Variants in SH3TC1 observed in about 807,000 individuals in gnomAD.
SH3TC1 encodes SH3 domain and tetratricopeptide repeat-containing protein 1.
Under a neutral mutation model 117.3 loss-of-function variants are expected in SH3TC1, and 135 were observed. The ratio of observed to expected loss-of-function variants is 1.15; its 90% CI spans 1.00 to 1.33. The LOEUF is 1.33. SH3TC1 is among the 40% of genes most tolerant of loss of function. The pLI is 0.00. For missense variants in SH3TC1, 2,092 were observed against 1,794.3 expected, an observed-to-expected ratio of 1.17 and a Z score of -3.00; for synonymous variants, 898 against 816.9, an observed-to-expected ratio of 1.10 and a Z score of -1.69.
chr4:8,218,832 C>G (rs545553339), intron 8 of SH3TC1, among the ~76,000 whole-genome samples: 1 of 152,252 alleles, frequency 6.6e-6, no homozygotes, highest in Non-Finnish European at 1.5e-5. Flanking sequence ...TGCCAGCAGC[C>G]CTTCTCCTTG....
chr4:8,187,698 C>T (rs999214344), intron 1 of SH3TC1, among the ~76,000 whole-genome samples: 3 of 151,856 alleles, frequency 2.0e-5, no homozygotes, highest in African/African-American at 7.3e-5. Flanking sequence ...ATTACAGGCA[C>T]GTGCCACCGC....
intron 1 of SH3TC1, among the ~76,000 whole-genome samples, chr4:8,202,016 T>C (rs1184463552): frequency 1.3e-5 from 2 of 152,166 alleles, no homozygotes; most frequent in Non-Finnish European, 2.9e-5. Context: ...AAAGACCCCT[T>C]AAACCAGGGA....
At chr4:8,239,990 C>T (rs1722192204) in intron 17 of SH3TC1, among the ~76,000 whole-genome samples, 2 of 152,192 alleles carry the variant, frequency 1.3e-5, no homozygotes, top group Admixed American at 6.5e-5. Flanking sequence ...TAGACTTTGT[C>T]CTTGGCCCTG....
chr4:8,226,682 C>T (rs1456363196), intron 11 of SH3TC1, among the ~76,000 whole-genome samples: 1 of 152,222 alleles, frequency 6.6e-6, no homozygotes, highest in Non-Finnish European at 1.5e-5. Flanking sequence ...CACATAGTCT[C>T]CTAAAACCAT....
At chr4:8,194,399 G>A (rs1294631219), upstream of SH3TC1, among the ~76,000 whole-genome samples, 1 of 149,142 alleles carries the variant, frequency 6.7e-6, no homozygotes. Flanking sequence ...GCCGCTTCTA[G>A]TGCTGGCTAG....
Position 8,227,377 on chromosome 4 carries a change from G to A in SH3TC1, c.1683G>A (p.Arg561=), listed in dbSNP as rs1361652211. ...CTGGCCTCCTCATGGCCCTGGCCAG[G>A]CTCTGCTTCCTCCTGGGGCGGCTGT... is the stretch of plus-strand genomic sequence containing the variant. ...KKAGLLMALA[R]LCFLLGRLCS... is the part of the protein sequence containing the mutation. The change falls in exon 12 of 18, where the codon AGG becomes AGA. Residue 561 remains arginine, a synonymous_variant. Transcript: ENST00000245105. 2 of 1,562,504 alleles carry A rather than the reference G, an allele frequency of 1.3e-6. No homozygotes were observed. The highest frequency in any genetic ancestry group is 1.4e-5 in the African/African-American group (1 of 73,326).
At chr4:8,194,355 C>A (rs1717499034), upstream of SH3TC1, among the ~76,000 whole-genome samples, 1 of 152,224 alleles carries the variant, frequency 6.6e-6, no homozygotes, top group Admixed American at 6.5e-5. Context: ...TCTGAAGGCG[C>A]ACTCGCGTTT....
intron 1 of SH3TC1, among the ~76,000 whole-genome samples, chr4:8,189,183 A>T (rs1717330997): frequency 6.6e-6 from 1 of 152,184 alleles, no homozygotes; most frequent in Non-Finnish European, 1.5e-5. Context: ...TGTCACTGGC[A>T]CTTGGTTTGT....
chr4:8,206,412 A>G lies in SH3TC1; in HGVS notation c.172+1046A>G, dbSNP rs985650091. Reference sequence around the variant, plus strand: ...AAGGGGCTGCGCTGTGCCCAGGGCCACGAGTGCACAAGGAGACTGAGACGC... The same window carrying G: ...AAGGGGCTGCGCTGTGCCCAGGGCCGCGAGTGCACAAGGAGACTGAGACGC... On this transcript the variant is annotated intron_variant, in intron 2 of 17. Coordinates refer to ENST00000245105, the MANE Select transcript of SH3TC1 (RefSeq NM_018986.5). This position sits in a 1 kb window ranked among gnomAD's most constrained non-coding sequence, Gnocchi z 5.5. Among the ~76,000 whole-genome samples the G allele has an allele frequency of 6.6e-6, 1 of 151,986 alleles. No individual in the cohort carries two copies.
chr4:8,213,131 CT>C, intron 4 of SH3TC1: 1 of 408,148 alleles, frequency 2.5e-6, no homozygotes, highest in Non-Finnish European at 4.4e-6. Context: ...CTGTCAAAGT[CT>C]CTTTGATGGG....
At position 8,212,754 on chromosome 4, in the gene SH3TC1, G is replaced by A. The variant is rs760873262; in HGVS notation, c.301G>A (p.Gly101Ser). The change falls in exon 4 of 18, where the codon GGC (glycine) becomes AGC (serine). Residue 101 changes from glycine (G) to serine (S), a missense_variant. Transcript: ENST00000245105. ...GAGGAAGAGCAGACTGCGGGACCCCGGCCTACAGCAGACCCTCCGGGGCCA... is the reference window on the plus strand; with the variant it reads ...GAGGAAGAGCAGACTGCGGGACCCCAGCCTACAGCAGACCCTCCGGGGCCA... ...VRRKSRLRDPGLQQTLRGQLR... is the reference protein window; with the variant it reads ...VRRKSRLRDPSLQQTLRGQLR... 35 of 1,612,618 alleles carry A rather than the reference G, an allele frequency of 2.2e-5. No homozygotes were observed. In the East Asian group the frequency reaches 2.9e-4, roughly 13 times the overall value.
chr4:8,199,906 A>G (rs1717712261), intron 1 of SH3TC1, among the ~76,000 whole-genome samples: 1 of 152,164 alleles, frequency 6.6e-6, no homozygotes. Flanking sequence ...CTCTTTTCCA[A>G]CAACCAAATG....
intron 13 of SH3TC1, chr4:8,232,748 AAG>A: frequency 7.8e-7 from 1 of 1,289,598 alleles, no homozygotes; most frequent in Non-Finnish European, 1.0e-6. Context: ...TCGACTCACC[AAG>A]AGAGCAGGGA....
upstream of SH3TC1, among the ~76,000 whole-genome samples, chr4:8,198,549 G>A (rs1041758108): frequency 6.6e-6 from 1 of 152,252 alleles, no homozygotes; most frequent in Non-Finnish European, 1.5e-5. Flanking sequence ...GCCCAGGCCA[G>A]GCTTCCTCAG....
In SH3TC1 at chr4:8,214,667, G is replaced by A. The variant is rs572991088; in HGVS notation, c.481+87G>A. 35 of 981,322 alleles carry A rather than the reference G, an allele frequency of 3.6e-5. No individual in the cohort carries two copies. The African/African-American group carries it at 3.9e-4, about 11-fold the overall frequency. 60.8% of individuals were successfully genotyped at this position (981,322 alleles called of 1,614,324 possible). ...CACCGTGCACTTAGATTACAAACTG[G>A]TGCTTTGTTTATTTATTTATTGATG... On this transcript the variant is annotated intron_variant, in intron 5 of 17. Transcript: ENST00000245105.
At chr4:8,235,282 G>C in intron 14 of SH3TC1, 151 bp from the exon 15 acceptor site, 2 of 913,382 alleles carry the variant, frequency 2.2e-6, no homozygotes, top group Non-Finnish European at 2.9e-6. Context: ...CATGCCAGCG[G>C]TGGGGGCGGC....
At chr4:8,211,024 C>G (rs1017213117) in intron 3 of SH3TC1, among the ~76,000 whole-genome samples, 1 of 151,302 alleles carries the variant, frequency 6.6e-6, no homozygotes, top group South Asian at 2.1e-4. Flanking sequence ...TTTCTCCCCT[C>G]TCCCTCTCTC....
chr4:8,186,154 A>G lies in SH3TC1; in HGVS notation c.-57+3944A>G, dbSNP rs569456883. ...TCAGCTTCTCAAGCGGGGTTTAATT[A>G]ACAGCAGCTGCTGGCGGAGGGGCTG... On this transcript the variant is annotated intron_variant, in intron 1 of 16. Transcript: ENST00000508641. This position sits in a 1 kb window ranked among gnomAD's most constrained non-coding sequence, Gnocchi z 5.2. 6.6e-6 allele frequency among the ~76,000 whole-genome samples: 1 copy of G among 152,298 alleles called. No homozygotes were observed. Among genetic ancestry groups the G allele is most frequent in the East Asian group, 1.9e-4 (1 of 5,170 alleles).
Position 8,228,186 on chromosome 4 carries a change from T to C in SH3TC1, c.2492T>C (p.Leu831Pro). The C allele has an allele frequency of 6.2e-7, 1 of 1,610,482 alleles. No homozygotes were observed. The highest frequency in any genetic ancestry group is 8.5e-7 in the Non-Finnish European group (1 of 1,178,356). ...VRAIVDHLVALAWLHVLHGQS... is the reference protein window; with the variant it reads ...VRAIVDHLVAPAWLHVLHGQS... Reference sequence around the variant, plus strand: ...GCCATCGTGGACCACCTGGTGGCCCTGGCCTGGCTGCACGTGCTTCATGGG... The same window carrying C: ...GCCATCGTGGACCACCTGGTGGCCCCGGCCTGGCTGCACGTGCTTCATGGG... Residue 831 changes from leucine (L) to proline (P), a missense_variant, in exon 12 of 18, where the codon CTG becomes CCG. Leu to Pro is a moderately conservative substitution (Grantham distance 98). Coordinates refer to ENST00000245105, the MANE Select transcript of SH3TC1 (RefSeq NM_018986.5).
Sources: allele counts gnomAD v4.1 joint callset (sites outside exome capture counted in the v4.1 genomes callset), GRCh38; gene constraint gnomAD v4.1.1; non-coding constraint Gnocchi (gnomAD v3.1); transcripts MANE v1.5; gene names NCBI Gene and HGNC (gene_info 2026-07-23, HGNC 2026-07-21).